The following MFHAS1 variants were observed in gnomAD, a reference collection of about 807,000 sequenced individuals.
MFHAS1 encodes the protein multifunctional ROCO family signaling regulator 1.
MFHAS1 carries 50 observed loss-of-function variants against 70.4 expected under a neutral mutation model. The observed-to-expected ratio is 0.71, with a 90% CI of 0.57 to 0.90. The LOEUF is 0.90. Among genes scored for constraint, MFHAS1 ranks in the 40% least tolerant of loss-of-function variants. The probability of loss-of-function intolerance (pLI) is 0.00; values close to 1 mark genes in which losing one functional copy is unlikely to be tolerated. For missense variants in MFHAS1, 1,795 were observed against 1,347.6 expected (o/e 1.33, Z -5.20); for synonymous variants, 952 against 620.0 (o/e 1.54, Z -7.96).
chr8:8,821,277 C>T (rs1218449963), intron 1 of MFHAS1, among the ~76,000 whole-genome samples: 1 of 152,160 alleles, frequency 6.6e-6, no homozygotes, highest in Non-Finnish European at 1.5e-5. Context: ...GTCAAAGAAT[C>T]TTAACAAGGA....
chr8:8,883,204 G>A (rs560812494), intron 1 of MFHAS1, among the ~76,000 whole-genome samples: 1 of 152,224 alleles, frequency 6.6e-6, no homozygotes, highest in Admixed American at 6.5e-5. Context: ...AGAGGACTGA[G>A]ACCTGAGCCT....
chr8:8,814,210 T>A (rs1298430762), intron 1 of MFHAS1, among the ~76,000 whole-genome samples: 1 of 152,248 alleles, frequency 6.6e-6, no homozygotes, highest in Non-Finnish European at 1.5e-5. Context: ...AGTGCTGGAA[T>A]TACAGGCATG....
Position 8,783,846 on chromosome 8 carries a change from C to G in MFHAS1, c.*2176G>C, listed in dbSNP as rs545052492. On this transcript the variant is annotated 3_prime_UTR_variant, in exon 3 of 3. Transcript: ENST00000276282. ...GTAGAGCAGAGTGATTTTTGTATCT[C>G]CAACCCTCCTCCCAACTTGAAACAA... The G allele has an allele frequency of 6.6e-6, 1 of 152,216 alleles. No homozygotes were observed. Among genetic ancestry groups the G allele is most frequent in the Admixed American group, 6.5e-5 (1 of 15,290 alleles). The allele number at this position is 152,216 out of a possible 1,614,324, so 9.4% of individuals were successfully genotyped here.
chr8:8,785,737 C>CTTTTTTTTTTTTT lies in MFHAS1; in HGVS notation c.*272_*284dup, dbSNP rs36026181. On this transcript the variant is annotated 3_prime_UTR_variant, in exon 3 of 3. Coordinates refer to ENST00000276282, the MANE Select transcript of MFHAS1 (RefSeq NM_004225.3). ...ACAAAATCCCTGAGAAGCCATTCGA[C>CTTTTTTTTTTTTT]TTTTTTTTTTTTTTTTTCTTTTCTT... The CTTTTTTTTTTTTT allele has an allele frequency of 4.4e-6, 1 of 227,154 alleles. No individual in the cohort carries two copies. Among genetic ancestry groups the CTTTTTTTTTTTTT allele is most frequent in the Non-Finnish European group, 8.4e-6 (1 of 118,734 alleles). The allele number at this position is 227,154 out of a possible 1,614,324, so 14.1% of individuals were successfully genotyped here.
chr8:8,797,640 A>G, intron 1 of MFHAS1, 149 bp from the exon 2 acceptor site: 1 of 886,972 alleles, frequency 1.1e-6, no homozygotes, highest in Non-Finnish European at 1.6e-6. Flanking sequence ...GCAACCAAGA[A>G]CAGCAGAACT....
chr8:8,843,127 G>T (rs577299045), intron 1 of MFHAS1, among the ~76,000 whole-genome samples: 1 of 152,070 alleles, frequency 6.6e-6, no homozygotes, highest in Non-Finnish European at 1.5e-5. Context: ...AAATTAGCCG[G>T]GCGCGGTGGC....
At chr8:8,837,170 C>T (rs577782334) in intron 1 of MFHAS1, among the ~76,000 whole-genome samples, 1 of 152,226 alleles carries the variant, frequency 6.6e-6, no homozygotes, top group African/African-American at 2.4e-5. Context: ...CATACCACTG[C>T]AGTTCTGAAA....
chr8:8,837,235 A>T (rs567313047), intron 1 of MFHAS1, among the ~76,000 whole-genome samples: 19 of 152,238 alleles, frequency 1.2e-4, no homozygotes, highest in Non-Finnish European at 2.6e-4. Context: ...TTCTTAGAGC[A>T]GAAGAACAAA....
chr8:8,871,750 T>G (rs1431432030), intron 1 of MFHAS1, among the ~76,000 whole-genome samples: 2 of 152,196 alleles, frequency 1.3e-5, no homozygotes, highest in Non-Finnish European at 1.5e-5. Context: ...ATCCACTGAT[T>G]TAATTACATC....
At chr8:8,876,664 A>G (rs572698290) in intron 1 of MFHAS1, among the ~76,000 whole-genome samples, 1 of 152,010 alleles carries the variant, frequency 6.6e-6, no homozygotes, top group African/African-American at 2.4e-5. Flanking sequence ...GGTGTGAGCC[A>G]CCACACCTGG....
At chr8:8,880,691 T>G (rs1175629888) in intron 1 of MFHAS1, among the ~76,000 whole-genome samples, 5 of 144,992 alleles carry the variant, frequency 3.4e-5, no homozygotes, top group African/African-American at 7.3e-5. Flanking sequence ...TTTGTTTTTT[T>G]TTTTTTTCCC....
At chr8:8,833,907 C>T (rs966893409) in intron 1 of MFHAS1, among the ~76,000 whole-genome samples, 5 of 152,120 alleles carry the variant, frequency 3.3e-5, no homozygotes, top group Non-Finnish European at 5.9e-5. Flanking sequence ...GGGCGGATCA[C>T]CTGAGGACAG....
intron 1 of MFHAS1, among the ~76,000 whole-genome samples, chr8:8,850,772 T>G (rs1585051230): frequency 1.5e-5 from 2 of 129,318 alleles, no homozygotes; most frequent in African/African-American, 3.0e-5. Context: ...TTACAGTGAG[T>G]GGCGATCGTG....
chr8:8,833,048 G>A (rs1563195358), intron 1 of MFHAS1, among the ~76,000 whole-genome samples: 1 of 152,266 alleles, frequency 6.6e-6, no homozygotes, highest in South Asian at 2.1e-4. Flanking sequence ...GGCAACGGGG[G>A]AGCAGGTGTC....
intron 1 of MFHAS1, among the ~76,000 whole-genome samples, chr8:8,823,048 G>A (rs10109886): frequency 0.28 from 41,985 of 151,960 alleles, 6,327 homozygotes; most frequent in African/African-American, 0.35. Context: ...ACACAGGACA[G>A]TCTCGAATTC....
At position 8,892,769 on chromosome 8, in the gene MFHAS1, T is replaced by A; in HGVS notation, c.290A>T (p.Asn97Ile). The part of the protein sequence containing the change: ...GSLRVLVLRR[N>I]RFARLPPAVA... The stretch of plus-strand genomic sequence containing the variant: ...CGCCGGGGGCAGCCGGGCGAAGCGG[T>A]TCCTGCGCAGGACCAGGACGCGCAG... Residue 97 changes from asparagine to isoleucine, a missense_variant, in exon 1 of 3, where the codon AAC becomes ATC. Asn to Ile is a moderately radical substitution (Grantham distance 149). Transcript: ENST00000276282. This position sits in a 1 kb window ranked among gnomAD's most constrained non-coding sequence, Gnocchi z 4.7. 6.4e-7 allele frequency: 1 copy of A among 1,568,020 alleles called. No individual in the cohort carries two copies. The highest frequency in any genetic ancestry group is 8.6e-7 in the Non-Finnish European group (1 of 1,157,996).
chr8:8,824,846 G>A (rs938804116), intron 1 of MFHAS1, among the ~76,000 whole-genome samples: 40 of 152,340 alleles, frequency 2.6e-4, no homozygotes, highest in African/African-American at 9.6e-4. Context: ...AGGAACCCAG[G>A]AAGGAGGTGT....
intron 1 of MFHAS1, among the ~76,000 whole-genome samples, chr8:8,836,191 T>C (rs2116844318): frequency 6.6e-6 from 1 of 152,310 alleles, no homozygotes; most frequent in Non-Finnish European, 1.5e-5. Context: ...AAAGGCTGTG[T>C]ATGTGAGAAA....
intron 1 of MFHAS1, among the ~76,000 whole-genome samples, chr8:8,804,330 T>C (rs1274012640): frequency 6.6e-6 from 1 of 152,166 alleles, no homozygotes; most frequent in Non-Finnish European, 1.5e-5. Context: ...GAAATTTCCA[T>C]TTTCAGGCAT....
Sources: allele counts gnomAD v4.1 joint callset (sites outside exome capture counted in the v4.1 genomes callset), GRCh38; gene constraint gnomAD v4.1.1; non-coding constraint Gnocchi (gnomAD v3.1); transcripts MANE v1.5; gene names NCBI Gene and HGNC (gene_info 2026-07-23, HGNC 2026-07-21).